TANGO6: variants seen among roughly 807,000 people sequenced by gnomAD.
The protein encoded by TANGO6 is transport and golgi organization 6 homolog.
TANGO6 carries 90 observed loss-of-function variants against 114.2 expected under a neutral mutation model. The ratio of observed to expected loss-of-function variants is 0.79; its 90% CI spans 0.66 to 0.94. The LOEUF (loss-of-function observed/expected upper bound fraction) is 0.94, where lower values mean the gene tolerates loss of function less well. TANGO6 is among the 40% of genes least tolerant of loss of function. The pLI, the probability that TANGO6 is intolerant of heterozygous loss-of-function variation, is 0.00. For missense variants in TANGO6, 1,274 were observed against 1,315.3 expected, an observed-to-expected ratio of 0.97 and a Z score of 0.49; for synonymous variants, 477 against 509.8, an observed-to-expected ratio of 0.94 and a Z score of 0.87.
chr16:68,957,154 TATGCATGCATGC>T (rs562943316), intron 14 of TANGO6, among the ~76,000 whole-genome samples: 1 of 151,974 alleles, frequency 6.6e-6, no homozygotes, highest in South Asian at 2.1e-4. Context: ...TTTATGTGTG[TATGCATGCATGC>T]ATGCATGTAT....
intron 11 of TANGO6, 123 bp from the exon 12 acceptor site, chr16:68,918,962 T>A: frequency 8.4e-7 from 1 of 1,195,268 alleles, no homozygotes; most frequent in Non-Finnish European, 1.1e-6. Flanking sequence ...TAGCAGTTGT[T>A]CTGGATGGTT....
rs184730330 is a variant in TANGO6 at position 69,019,110 on chromosome 16, G to A, written c.2843-3718G>A. Among the ~76,000 whole-genome samples the A allele has an allele frequency of 3.2e-4, 49 of 152,044 alleles. 1 individual carries two copies. The highest frequency in any genetic ancestry group is 1.2e-3 in the African/African-American group (49 of 41,410). ...CATTTTAATCACTGCATAGTAATCC[G>A]TAATATGGGTATACCATGGTTATTT... On this transcript the variant is annotated intron_variant, in intron 15 of 17. Transcript: ENST00000261778.
chr16:69,009,755 T>A (rs1273032506), intron 15 of TANGO6, among the ~76,000 whole-genome samples: 1 of 152,242 alleles, frequency 6.6e-6, no homozygotes, highest in East Asian at 1.9e-4. Context: ...TGCACTTCTT[T>A]TGTTAAATTT....
chr16:69,014,283 G>A (rs1285364289), intron 15 of TANGO6, among the ~76,000 whole-genome samples: 1 of 152,158 alleles, frequency 6.6e-6, no homozygotes, highest in Non-Finnish European at 1.5e-5. Context: ...GTTGGTTGCA[G>A]CAACTCTAAG....
chr16:68,899,833 A>C (rs1234126983), intron 7 of TANGO6, among the ~76,000 whole-genome samples: 1 of 152,054 alleles, frequency 6.6e-6, no homozygotes, highest in East Asian at 1.9e-4. Flanking sequence ...TCCTGGCCTT[A>C]AACAATCCTC....
chr16:69,048,258 ATTTTTTTTTT>A (rs71383949), intron 17 of TANGO6, among the ~76,000 whole-genome samples: 113 of 111,616 alleles, frequency 1.0e-3, no homozygotes, highest in East Asian at 1.9e-3. Context: ...AATTTTTTGT[ATTTTTTTTTT>A]TTTTTTTTTT....
intron 12 of TANGO6, among the ~76,000 whole-genome samples, chr16:68,925,904 A>G (rs1305465806): frequency 2.6e-5 from 4 of 151,250 alleles, no homozygotes; most frequent in Admixed American, 1.3e-4. Context: ...TAAAAAAAAA[A>G]AAAAGAAAAA....
chr16:69,040,688 GT>G (rs1034352935), intron 17 of TANGO6, among the ~76,000 whole-genome samples: 3 of 152,012 alleles, frequency 2.0e-5, no homozygotes, highest in Admixed American at 6.6e-5. Flanking sequence ...TCCTGGCATT[GT>G]CCTCATTGTT....
intron 17 of TANGO6, 104 bp from the exon 18 acceptor site, chr16:69,083,381 G>T: frequency 7.3e-7 from 1 of 1,364,186 alleles, no homozygotes. Flanking sequence ...GGAAGTCTGT[G>T]GATGTCCTCA....
At chr16:68,900,093 C>T (rs2152180977) in intron 7 of TANGO6, 1 of 222,382 alleles carries the variant, frequency 4.5e-6, no homozygotes. Context: ...AGCAGTAGGA[C>T]AGTTATCATA....
chr16:68,993,989 G>A (rs1963968543), intron 15 of TANGO6, among the ~76,000 whole-genome samples: 1 of 152,152 alleles, frequency 6.6e-6, no homozygotes, highest in Admixed American at 6.5e-5. Context: ...AACACACTAG[G>A]GTAGAGTCAG....
intron 17 of TANGO6, among the ~76,000 whole-genome samples, chr16:69,063,843 T>TATTATA (rs1227947523): frequency 7.5e-5 from 11 of 146,294 alleles, no homozygotes; most frequent in Middle Eastern, 3.2e-3. Context: ...TTATTATTAT[T>TATTATA]ATATTATTTT....
intron 6 of TANGO6, among the ~76,000 whole-genome samples, chr16:68,879,880 T>C (rs1962430145): frequency 6.6e-6 from 1 of 151,944 alleles, no homozygotes; most frequent in Admixed American, 6.6e-5. Flanking sequence ...CCTCCTAAAG[T>C]GCTGGGATTA....
At chr16:69,030,107 CAAAA>C (rs529117472) in intron 16 of TANGO6, among the ~76,000 whole-genome samples, 2 of 62,532 alleles carry the variant, frequency 3.2e-5, no homozygotes. Flanking sequence ...GACTCTGACT[CAAAA>C]AAAAAAAAAA....
intron 17 of TANGO6, among the ~76,000 whole-genome samples, chr16:69,081,055 GTGAAC>G (rs1168714048): frequency 1.3e-5 from 2 of 152,104 alleles, no homozygotes; most frequent in Non-Finnish European, 2.9e-5. Context: ...GGAGAATGGT[GTGAAC>G]CCAGGAGGCG....
At chr16:68,870,710 T>TC (rs1962253265) in intron 4 of TANGO6, among the ~76,000 whole-genome samples, 1 of 152,204 alleles carries the variant, frequency 6.6e-6, no homozygotes, top group South Asian at 2.1e-4. Flanking sequence ...GGTCTTTATT[T>TC]CTTTATGTAG....
At chr16:68,882,516 G>T (rs182724574) in intron 7 of TANGO6, among the ~76,000 whole-genome samples, 11 of 151,270 alleles carry the variant, frequency 7.3e-5, no homozygotes. Context: ...AAAAGAAAAC[G>T]TGTTCATAGA....
At chr16:69,046,464 A>G (rs1037539363) in intron 17 of TANGO6, among the ~76,000 whole-genome samples, 2 of 152,088 alleles carry the variant, frequency 1.3e-5, no homozygotes, top group Non-Finnish European at 2.9e-5. Flanking sequence ...GATTACAGGT[A>G]TGTGCCACCA....
At chr16:69,060,948 C>T (rs994793946) in intron 17 of TANGO6, among the ~76,000 whole-genome samples, 2 of 150,286 alleles carry the variant, frequency 1.3e-5, no homozygotes, top group African/African-American at 4.9e-5. Context: ...GCCAAGATAG[C>T]GCCACTGCAC....
Sources: allele counts gnomAD v4.1 joint callset (sites outside exome capture counted in the v4.1 genomes callset), GRCh38; gene constraint gnomAD v4.1.1; transcripts MANE v1.5; gene names NCBI Gene and HGNC (gene_info 2026-07-23, HGNC 2026-07-21).